The following DSTYK variants were observed in gnomAD, a reference collection of about 807,000 sequenced individuals.
The protein encoded by DSTYK is RIP-homologous kinase.
A neutral mutation model predicts 98.7 loss-of-function variants in DSTYK; 34 were observed. That is an observed-to-expected ratio of 0.34 (90% CI 0.26 to 0.46). The LOEUF (loss-of-function observed/expected upper bound fraction) is 0.46, where lower values mean the gene tolerates loss of function less well. DSTYK is among the 20% of genes least tolerant of loss of function. The pLI is 1.00. For missense variants in DSTYK, 962 were observed against 1,181.7 expected, an observed-to-expected ratio of 0.81 and a Z score of 2.73; for synonymous variants, 462 against 457.3, an observed-to-expected ratio of 1.01 and a Z score of -0.13.
chr1:205,198,118 G>A (rs573744442), intron 1 of DSTYK, among the ~76,000 whole-genome samples: 2 of 152,184 alleles, frequency 1.3e-5, no homozygotes, highest in African/African-American at 2.4e-5. Flanking sequence ...GCTTGAACCC[G>A]GGAGGTGGAG....
chr1:205,193,231 A>G (rs2102461355), intron 1 of DSTYK, among the ~76,000 whole-genome samples: 1 of 152,266 alleles, frequency 6.6e-6, no homozygotes, highest in Non-Finnish European at 1.5e-5. Flanking sequence ...TGTTTGGGTG[A>G]CTACTCTGAA....
chr1:205,171,156 G>A (rs891421782), intron 2 of DSTYK, among the ~76,000 whole-genome samples: 1 of 151,702 alleles, frequency 6.6e-6, no homozygotes, highest in African/African-American at 2.4e-5. Context: ...AGTGAGTTTC[G>A]AGAATGATCT....
At chr1:205,185,576 A>G (rs994914668) in intron 2 of DSTYK, among the ~76,000 whole-genome samples, 1 of 152,236 alleles carries the variant, frequency 6.6e-6, no homozygotes, top group Non-Finnish European at 1.5e-5. Flanking sequence ...GGTTGCTACT[A>G]ACATTTTCAA....
intron 1 of DSTYK, among the ~76,000 whole-genome samples, chr1:205,200,201 T>G (rs113279156): frequency 0.025 from 3,787 of 151,696 alleles, 66 homozygotes; most frequent in East Asian, 0.068. Flanking sequence ...CGCGACCAGA[T>G]GATTTTTTGT....
Position 205,162,229 on chromosome 1 carries a change from A to G in DSTYK, c.1642-17T>C, listed in dbSNP as rs1252379313. On this transcript the variant is annotated splice_polypyrimidine_tract_variant and intron_variant, in intron 5 of 12. Coordinates refer to ENST00000367162, the MANE Select transcript of DSTYK (RefSeq NM_015375.3). ...CTGGATGATCTACCAGGATGAAGAC[A>G]GCGAGATCACCAAGGAATGAGAGAC... The G allele has an allele frequency of 8.1e-6, 13 of 1,610,740 alleles. No individual in the cohort carries two copies. Among genetic ancestry groups the G allele is most frequent in the Non-Finnish European group, 1.1e-5 (13 of 1,177,624 alleles).
chr1:205,191,704 A>T (rs1658717921), intron 1 of DSTYK, among the ~76,000 whole-genome samples: 1 of 152,200 alleles, frequency 6.6e-6, no homozygotes. Flanking sequence ...TGAACTAGCC[A>T]GGGGCTCTGA....
chr1:205,175,115 T>G (rs980234593), intron 2 of DSTYK, among the ~76,000 whole-genome samples: 1 of 150,564 alleles, frequency 6.6e-6, no homozygotes, highest in Non-Finnish European at 1.5e-5. Flanking sequence ...TTTTTTTTTT[T>G]TTCTGAGACA....
intron 2 of DSTYK, among the ~76,000 whole-genome samples, chr1:205,180,555 C>A (rs1658367399): frequency 6.6e-6 from 1 of 152,190 alleles, no homozygotes; most frequent in African/African-American, 2.4e-5. Flanking sequence ...ACCTCCACTT[C>A]CCAGGCTCAA....
At chr1:205,159,092 T>A (rs554748350) in intron 9 of DSTYK, among the ~76,000 whole-genome samples, 1 of 152,242 alleles carries the variant, frequency 6.6e-6, no homozygotes, top group Non-Finnish European at 1.5e-5. Flanking sequence ...TAAAAATTTT[T>A]TTTTTTTATT....
intron 3 of DSTYK, among the ~76,000 whole-genome samples, chr1:205,167,937 A>G (rs112045398): frequency 0.023 from 3,513 of 152,270 alleles, 108 homozygotes; most frequent in African/African-American, 0.07. Flanking sequence ...CCCCGTCTCT[A>G]CTAAAATACA....
At chr1:205,159,488 G>A in intron 9 of DSTYK, 59 bp downstream of exon 9, 1 of 1,549,144 alleles carries the variant, frequency 6.5e-7, no homozygotes, top group Non-Finnish European at 8.7e-7. Flanking sequence ...AGGAGAGGAT[G>A]AGTGGCCAGA....
Position 205,150,811 on chromosome 1 carries a change from G to A in DSTYK, c.2353-17C>T, listed in dbSNP as rs758934093. The A allele has an allele frequency of 6.2e-7, 1 of 1,602,782 alleles. No homozygotes were observed. ...CTTATCCAGCTGCCAACAAAGCAGG[G>A]CAAGAGTCACCTTGTTTCTGATCCT... On this transcript the variant is annotated splice_polypyrimidine_tract_variant and intron_variant, in intron 10 of 12. Coordinates refer to ENST00000367162, the MANE Select transcript of DSTYK (RefSeq NM_015375.3). The surrounding 1 kb of genome is among the most constrained non-coding windows in gnomAD (Gnocchi z 4.1).
intron 9 of DSTYK, among the ~76,000 whole-genome samples, chr1:205,158,217 A>T (rs1410386583): frequency 6.6e-6 from 1 of 152,186 alleles, no homozygotes; most frequent in Non-Finnish European, 1.5e-5. Flanking sequence ...TCTGAAATGA[A>T]GAGGGAAAGC....
At chr1:205,194,199 A>G (rs887780573) in intron 1 of DSTYK, among the ~76,000 whole-genome samples, 1 of 152,214 alleles carries the variant, frequency 6.6e-6, no homozygotes, top group Non-Finnish European at 1.5e-5. Context: ...CGTGTCACAT[A>G]AATTTGTTAT....
intron 1 of DSTYK, among the ~76,000 whole-genome samples, chr1:205,203,587 A>G (rs1558628117): frequency 1.1e-4 from 6 of 55,202 alleles, no homozygotes; most frequent in South Asian, 9.0e-4. Flanking sequence ...AGGGGAGGGG[A>G]AGGGAGGGGG....
chr1:205,170,083 T>C (rs1421470799), intron 2 of DSTYK, among the ~76,000 whole-genome samples: 1 of 151,892 alleles, frequency 6.6e-6, no homozygotes, highest in African/African-American at 2.4e-5. Context: ...GCCATCAGAT[T>C]AAAAAAAAAT....
In DSTYK at chr1:205,187,697, G is replaced by T; in HGVS notation, c.375C>A (p.Cys125Ter). ...CCCCCAACAGCAGATTCAACAGCTG[G>T]CACTTGACGTTACAATCCTGGCCGA... Reference protein sequence around the residue: ...LILGQDCNVKCQLLNLLLGVQ... With the variant: ...LILGQDCNVK Residue 125 changes from cysteine (C) to a stop codon, truncating the protein, a stop_gained, in exon 2 of 13, where the codon TGC becomes TGA. Coordinates refer to ENST00000367162, the MANE Select transcript of DSTYK (RefSeq NM_015375.3). LOFTEE classifies it high-confidence loss of function. 1 of 1,614,218 alleles carries T rather than the reference G, an allele frequency of 6.2e-7. No homozygotes were observed. The highest frequency in any genetic ancestry group is 8.5e-7 in the Non-Finnish European group (1 of 1,180,044).
In DSTYK at chr1:205,162,995, A is replaced by G. The variant is rs747044428; in HGVS notation, c.1569T>C (p.Ala523=). 5 of 1,613,942 alleles carry G rather than the reference A, an allele frequency of 3.1e-6. No homozygotes were observed. In the African/African-American group the frequency reaches 6.7e-5, roughly 22 times the overall value. ...GAAACGTGACTTCAACATGATAGGCAGCATTTAAGATCTGAAAGAGACAAC... is the reference window on the plus strand; with the variant it reads ...GAAACGTGACTTCAACATGATAGGCGGCATTTAAGATCTGAAAGAGACAAC... ...TSNYLKQILN[A]AYHVEVTFHS... Residue 523 remains alanine, a synonymous_variant, in exon 5 of 13, where the codon GCT becomes GCC. Coordinates refer to ENST00000367162, the MANE Select transcript of DSTYK (RefSeq NM_015375.3).
chr1:205,211,617 G>A lies in DSTYK; in HGVS notation c.-82C>T. ...TCCTCCCCGCCCCCCAGTGCCGAAG[G>A]GAGGAGGAATCCGCCTCCTGACGCC... On this transcript the variant is annotated 5_prime_UTR_variant, in exon 1 of 13. Coordinates refer to ENST00000367162, the MANE Select transcript of DSTYK (RefSeq NM_015375.3). 1.4e-6 allele frequency: 2 copies of A among 1,397,642 alleles called. No homozygotes were observed. Among genetic ancestry groups the A allele is most frequent in the Non-Finnish European group, 1.8e-6 (2 of 1,082,342 alleles). The allele number at this position is 1,397,642 out of a possible 1,614,324, so 86.6% of individuals were successfully genotyped here. A position where few individuals can be genotyped will look rare whatever the true frequency, so the allele number is the denominator to read the frequency against.
Sources: allele counts gnomAD v4.1 joint callset (sites outside exome capture counted in the v4.1 genomes callset), GRCh38; gene constraint gnomAD v4.1.1; non-coding constraint Gnocchi (gnomAD v3.1); transcripts MANE v1.5; gene names NCBI Gene and HGNC (gene_info 2026-07-23, HGNC 2026-07-21).